KCNH8: variants seen among roughly 807,000 people sequenced by gnomAD.
KCNH8 encodes the protein voltage-gated delayed rectifier potassium channel KCNH8.
Under a neutral mutation model 103.6 loss-of-function variants are expected in KCNH8, and 70 were observed. The observed-to-expected ratio is 0.68, with a 90% CI of 0.56 to 0.82. The LOEUF is 0.82. KCNH8 is among the 40% of genes least tolerant of loss of function. The pLI is 0.00. For synonymous variants in KCNH8, 498 were observed against 489.4 expected (o/e 1.02, Z -0.23); for missense variants, 1,217 against 1,329.9 (o/e 0.92, Z 1.32).
intron 3 of KCNH8, among the ~76,000 whole-genome samples, chr3:19,317,317 A>G (rs555060507): frequency 6.6e-6 from 1 of 152,062 alleles, no homozygotes; most frequent in Non-Finnish European, 1.5e-5. Flanking sequence ...TTTCATCTTA[A>G]TTATTTTTAA....
At chr3:19,281,619 C>G (rs1294588984) in intron 3 of KCNH8, among the ~76,000 whole-genome samples, 1 of 152,062 alleles carries the variant, frequency 6.6e-6, no homozygotes, top group Admixed American at 6.6e-5. Flanking sequence ...AACACCACTT[C>G]ATTGTATTAG....
At chr3:19,320,119 C>T (rs1377717906) in intron 3 of KCNH8, among the ~76,000 whole-genome samples, 1 of 152,042 alleles carries the variant, frequency 6.6e-6, no homozygotes, top group African/African-American at 2.4e-5. Context: ...AACAGCTTGA[C>T]TTGCTCTTTA....
intron 5 of KCNH8, among the ~76,000 whole-genome samples, chr3:19,386,111 C>T (rs756109799): frequency 1.3e-5 from 2 of 152,018 alleles, no homozygotes; most frequent in Non-Finnish European, 2.9e-5. Context: ...GGAAATCAAA[C>T]TAGAAAAAAT....
chr3:19,190,340 C>T (rs529029469), intron 1 of KCNH8, among the ~76,000 whole-genome samples: 5 of 152,002 alleles, frequency 3.3e-5, no homozygotes, highest in African/African-American at 9.6e-5. Flanking sequence ...CAAGGTCTTG[C>T]CAAGAGCAAA....
chr3:19,280,417 C>G (rs1186788005), intron 2 of KCNH8, among the ~76,000 whole-genome samples: 2 of 152,034 alleles, frequency 1.3e-5, no homozygotes, highest in Non-Finnish European at 2.9e-5. Context: ...ACCTGAATGC[C>G]TTTCTAATCA....
rs576677425 is a variant in KCNH8 at position 19,333,306 on chromosome 3, A to G, written c.443-9281A>G. 2.5e-3 allele frequency among the ~76,000 whole-genome samples: 388 copies of G among 152,332 alleles called. 3 individuals carry two copies. Among genetic ancestry groups the G allele is most frequent in the African/African-American group, 8.8e-3 (368 of 41,590 alleles). On this transcript the variant is annotated intron_variant, in intron 3 of 15. Coordinates refer to ENST00000328405, the MANE Select transcript of KCNH8 (RefSeq NM_144633.3). ...TTTTTCCCAGTATGTAATTTGTACT[A>G]TAAATGTGCTAATTTGAAGCTTCCA...
chr3:19,280,980 T>G (rs892491052), intron 2 of KCNH8, among the ~76,000 whole-genome samples: 2 of 152,094 alleles, frequency 1.3e-5, no homozygotes, highest in African/African-American at 4.8e-5. Context: ...TTGTTTAAAA[T>G]ACTTCTTTAT....
chr3:19,277,281 G>A (rs1329239710), intron 2 of KCNH8, among the ~76,000 whole-genome samples: 5 of 152,070 alleles, frequency 3.3e-5, no homozygotes. Context: ...GGTAAAGATG[G>A]GCTGTGCATG....
chr3:19,265,445 G>T (rs896735295), intron 2 of KCNH8, among the ~76,000 whole-genome samples: 1 of 151,998 alleles, frequency 6.6e-6, no homozygotes, highest in African/African-American at 2.4e-5. Flanking sequence ...CATGAGGGTG[G>T]CCTTGTACAT....
At chr3:19,363,968 AAAATT>A (rs1474547759) in intron 5 of KCNH8, among the ~76,000 whole-genome samples, 2 of 152,132 alleles carry the variant, frequency 1.3e-5, no homozygotes, top group South Asian at 2.1e-4. Context: ...TGATGAGGAG[AAAATT>A]AAATTAAATT....
intron 2 of KCNH8, among the ~76,000 whole-genome samples, chr3:19,272,598 A>G (rs2064604612): frequency 6.6e-6 from 1 of 152,092 alleles, no homozygotes; most frequent in Non-Finnish European, 1.5e-5. Flanking sequence ...TCTCTCCTTC[A>G]CTTGACATCA....
intron 3 of KCNH8, among the ~76,000 whole-genome samples, chr3:19,294,115 T>C (rs2064965166): frequency 6.6e-6 from 1 of 152,210 alleles, no homozygotes. Context: ...TGAATGGCCC[T>C]TTGGCTTTGA....
Position 19,157,798 on chromosome 3 carries a change from T to G in KCNH8, c.76+9003T>G, listed in dbSNP as rs536342989. Among the ~76,000 whole-genome samples the G allele has an allele frequency of 6.8e-4, 103 of 152,096 alleles. 1 individual carries two copies. The highest frequency in any genetic ancestry group is 3.5e-3 in the Middle Eastern group (1 of 286). On this transcript the variant is annotated intron_variant, in intron 1 of 15. Coordinates refer to ENST00000328405, the MANE Select transcript of KCNH8 (RefSeq NM_144633.3). ...TTTATATTCATTGTCTCTTATTAAC[T>G]GAATTGTTGTTTTTCCCTTTTTTGA...
intron 5 of KCNH8, among the ~76,000 whole-genome samples, chr3:19,349,837 A>G (rs1486078839): frequency 2.0e-5 from 3 of 152,036 alleles, no homozygotes; most frequent in African/African-American, 4.8e-5. Flanking sequence ...TATTACTGTC[A>G]TTTCGACTGT....
chr3:19,157,672 G>T (rs2063194081), intron 1 of KCNH8, among the ~76,000 whole-genome samples: 1 of 151,920 alleles, frequency 6.6e-6, no homozygotes, highest in South Asian at 2.1e-4. Context: ...ATGAAAAGTG[G>T]TTTCTTGTGA....
intron 7 of KCNH8, among the ~76,000 whole-genome samples, chr3:19,421,209 G>GT (rs1337669091): frequency 1.3e-5 from 2 of 152,220 alleles, no homozygotes; most frequent in African/African-American, 2.4e-5. Flanking sequence ...TCTATTTCAT[G>GT]TAAGTCAGTA....
intron 2 of KCNH8, among the ~76,000 whole-genome samples, chr3:19,264,706 T>C (rs2064484461): frequency 6.6e-6 from 1 of 152,118 alleles, no homozygotes; most frequent in African/African-American, 2.4e-5. Flanking sequence ...CTTCATAAAA[T>C]AGAAGCAGCT....
At chr3:19,505,950 T>G (rs1297857456) in intron 11 of KCNH8, among the ~76,000 whole-genome samples, 1 of 152,222 alleles carries the variant, frequency 6.6e-6, no homozygotes, top group East Asian at 1.9e-4. Flanking sequence ...CAGCTTGGTT[T>G]ATTCTGCTCT....
At chr3:19,248,973 T>G (rs903361012) in intron 1 of KCNH8, among the ~76,000 whole-genome samples, 3 of 152,138 alleles carry the variant, frequency 2.0e-5, no homozygotes. Context: ...TTTAGAGAAA[T>G]AGTCAGCTGC....
Sources: allele counts gnomAD v4.1 joint callset (sites outside exome capture counted in the v4.1 genomes callset), GRCh38; gene constraint gnomAD v4.1.1; transcripts MANE v1.5; gene names NCBI Gene and HGNC (gene_info 2026-07-23, HGNC 2026-07-21).